Variants in NR3C1 observed in about 807,000 individuals in gnomAD.
The protein encoded by NR3C1 is glucocorticoid receptor.
In NR3C1, 14 loss-of-function variants were observed where a neutral mutation model predicts 74.0. The ratio of observed to expected loss-of-function variants is 0.19; its 90% CI spans 0.12 to 0.30. The LOEUF (loss-of-function observed/expected upper bound fraction) is 0.30, where lower values mean the gene tolerates loss of function less well. Ranked by LOEUF, NR3C1 falls within the 10% of genes least tolerant of loss-of-function variation. The pLI, the probability that NR3C1 is intolerant of heterozygous loss-of-function variation, is 1.00. For synonymous variants in NR3C1, 308 were observed against 332.5 expected, an observed-to-expected ratio of 0.93 and a Z score of 0.80; for missense variants, 695 against 909.8, an observed-to-expected ratio of 0.76 and a Z score of 3.04.
chr5:143,400,921 C>T lies in NR3C1; in HGVS notation c.-13-69G>A, dbSNP rs10482621. On this transcript the variant is annotated intron_variant, in intron 1 of 8. Transcript: ENST00000394464. ...CTAAAGTCACATTATCTTCCTGATC[C>T]GATTAGTAAGAGGCAGCTTGTTAAA... is the stretch of plus-strand genomic sequence containing the variant. 6.7e-6 allele frequency: 8 copies of T among 1,194,410 alleles called. No individual in the cohort carries two copies. The African/African-American group carries it at 1.0e-4, about 16-fold the overall frequency. 74.0% of individuals were successfully genotyped at this position (1,194,410 alleles called of 1,614,324 possible). A position where few individuals can be genotyped will look rare whatever the true frequency, so the allele number is the denominator to read the frequency against.
chr5:143,431,251 C>G (rs1751805821), intron 1 of NR3C1, among the ~76,000 whole-genome samples: 1 of 152,176 alleles, frequency 6.6e-6, no homozygotes, highest in African/African-American at 2.4e-5. Context: ...GGCTTAGGAA[C>G]TTTCAGAGAA....
intron 2 of NR3C1, among the ~76,000 whole-genome samples, chr5:143,376,140 A>G (rs1211064221): frequency 6.6e-6 from 1 of 152,182 alleles, no homozygotes; most frequent in Non-Finnish European, 1.5e-5. Context: ...AAAAAAAAAA[A>G]GTTGGCATAC....
chr5:143,402,466 A>G (rs566253780), intron 1 of NR3C1: 23 of 392,374 alleles, frequency 5.9e-5, no homozygotes, highest in South Asian at 2.1e-4. Flanking sequence ...TTACGGTTAC[A>G]GGGGGTCTTT....
intron 2 of NR3C1, among the ~76,000 whole-genome samples, chr5:143,367,617 A>G (rs1833479685): frequency 6.6e-6 from 1 of 152,242 alleles, no homozygotes; most frequent in Admixed American, 6.5e-5. Flanking sequence ...GCAATGAACA[A>G]TCTTAAAGTG....
intron 2 of NR3C1, among the ~76,000 whole-genome samples, chr5:143,396,336 T>C (rs983631691): frequency 6.6e-6 from 1 of 151,810 alleles, no homozygotes; most frequent in African/African-American, 2.4e-5. Context: ...AAATCTCCTT[T>C]AACATTCAGA....
At chr5:143,341,161 T>C (rs17100236) in intron 2 of NR3C1, among the ~76,000 whole-genome samples, 30,798 of 152,152 alleles carry the variant, frequency 0.2, 3,495 homozygotes, top group African/African-American at 0.29. Flanking sequence ...GCCTGAAATA[T>C]ATTAAACAAA....
intron 2 of NR3C1, among the ~76,000 whole-genome samples, chr5:143,348,489 C>T (rs1316759134): frequency 6.6e-6 from 1 of 152,116 alleles, no homozygotes; most frequent in East Asian, 1.9e-4. Context: ...TATGCATGTT[C>T]CCAGCTGAAG....
intron 1 of NR3C1, among the ~76,000 whole-genome samples, chr5:143,424,358 A>G (rs1422367422): frequency 6.6e-6 from 1 of 152,168 alleles, no homozygotes; most frequent in Non-Finnish European, 1.5e-5. Context: ...AAAATAACTA[A>G]GAGTGGAATT....
At chr5:143,339,853 G>C (rs10078410) in intron 2 of NR3C1, among the ~76,000 whole-genome samples, 1 of 152,062 alleles carries the variant, frequency 6.6e-6, no homozygotes, top group East Asian at 1.9e-4. Flanking sequence ...AGAACACAGA[G>C]AAAAAGAAGA....
chr5:143,392,996 A>G (rs1838546921), intron 2 of NR3C1, among the ~76,000 whole-genome samples: 3 of 152,136 alleles, frequency 2.0e-5, no homozygotes, highest in Non-Finnish European at 1.5e-5. Flanking sequence ...AACACTTTCT[A>G]TGGATCTCAA....
At chr5:143,320,000 TCC>T (rs1173727295) in intron 2 of NR3C1, among the ~76,000 whole-genome samples, 1 of 152,176 alleles carries the variant, frequency 6.6e-6, no homozygotes, top group African/African-American at 2.4e-5. Flanking sequence ...AATTTCTTTT[TCC>T]CTCTAGCGCT....
rs186298884 is a variant in NR3C1 at position 143,335,536 on chromosome 5, C to A, written c.1185-21368G>T. ...AAGTTTAAATTAGAAAATAAAGTCG[C>A]CATTCTTTTGACAGAAAACCAGCAA... On this transcript the variant is annotated intron_variant, in intron 2 of 8. Transcript: ENST00000394464. Among the ~76,000 whole-genome samples, 211 of 152,234 alleles carry A rather than the reference C, an allele frequency of 1.4e-3. 1 individual carries two copies. The highest frequency in any genetic ancestry group is 4.9e-3 in the African/African-American group (205 of 41,538).
chr5:143,429,053 TG>T (rs1295319056), intron 1 of NR3C1, among the ~76,000 whole-genome samples: 1 of 152,240 alleles, frequency 6.6e-6, no homozygotes, highest in African/African-American at 2.4e-5. Flanking sequence ...AACGGGAAGC[TG>T]ATGACTTCTA....
At chr5:143,336,847 G>T (rs1351717436) in intron 2 of NR3C1, among the ~76,000 whole-genome samples, 4 of 151,518 alleles carry the variant, frequency 2.6e-5, no homozygotes, top group Non-Finnish European at 5.9e-5. Context: ...CGGGTATGGT[G>T]GCATACCTGT....
intron 2 of NR3C1, among the ~76,000 whole-genome samples, chr5:143,320,862 T>C (rs1022653478): frequency 1.3e-5 from 2 of 152,176 alleles, no homozygotes; most frequent in African/African-American, 2.4e-5. Flanking sequence ...GAATAAGTCT[T>C]GAGACCCCAA....
intron 2 of NR3C1, among the ~76,000 whole-genome samples, chr5:143,322,280 G>C (rs1823555311): frequency 6.6e-6 from 1 of 152,180 alleles, no homozygotes; most frequent in Non-Finnish European, 1.5e-5. Context: ...AGGTCTTTCT[G>C]ACACCAACAT....
At chr5:143,427,216 T>A (rs981634362) in intron 1 of NR3C1, among the ~76,000 whole-genome samples, 2 of 152,136 alleles carry the variant, frequency 1.3e-5, no homozygotes, top group Admixed American at 1.3e-4. Flanking sequence ...ACTCCAGATA[T>A]AGCTTAGTAT....
Position 143,416,882 on chromosome 5 carries a change from A to T in NR3C1, c.-13-16030T>A, listed in dbSNP as rs76854014. Among the ~76,000 whole-genome samples the T allele has an allele frequency of 1.3e-3, 198 of 152,328 alleles. 3 individuals carry two copies. The East Asian group carries it at 0.03, about 23-fold the overall frequency. On this transcript the variant is annotated intron_variant, in intron 1 of 8. Coordinates refer to the NR3C1 transcript ENST00000343796. ...CTCCTTCTTTATTTAAAATACACAA[A>T]CATAAATAAGAATATCAGTCTTCAG... is the stretch of plus-strand genomic sequence containing the variant.
intron 2 of NR3C1, among the ~76,000 whole-genome samples, chr5:143,321,738 T>C (rs1823427864): frequency 6.6e-6 from 1 of 152,236 alleles, no homozygotes; most frequent in Non-Finnish European, 1.5e-5. Context: ...CAAGTACCTA[T>C]GATAGGAGTA....
Sources: allele counts gnomAD v4.1 joint callset (sites outside exome capture counted in the v4.1 genomes callset), GRCh38; gene constraint gnomAD v4.1.1; transcripts MANE v1.5; gene names NCBI Gene and HGNC (gene_info 2026-07-23, HGNC 2026-07-21).